The following CUL2 variants were observed in gnomAD, a reference collection of about 807,000 sequenced individuals.
CUL2 encodes cullin-2.
CUL2 carries 22 observed loss-of-function variants against 110.2 expected under a neutral mutation model. That is an observed-to-expected ratio of 0.20 (90% CI 0.14 to 0.28). CUL2 has a LOEUF of 0.28. Among genes scored for constraint, CUL2 ranks in the 10% least tolerant of loss-of-function variants. The pLI is 1.00. For missense variants in CUL2, 631 were observed against 905.5 expected, an observed-to-expected ratio of 0.70 and a Z score of 3.89; for synonymous variants, 279 against 293.2, an observed-to-expected ratio of 0.95 and a Z score of 0.49.
At chr10:35,046,504 G>C (rs2085944394) in intron 6 of CUL2, among the ~76,000 whole-genome samples, 1 of 152,162 alleles carries the variant, frequency 6.6e-6, no homozygotes, top group Non-Finnish European at 1.5e-5. Context: ...AAGTGAGGTA[G>C]GCCTCTCTAG....
At chr10:35,091,364 C>T (rs897160706), upstream of CUL2, among the ~76,000 whole-genome samples, 1 of 152,174 alleles carries the variant, frequency 6.6e-6, no homozygotes, top group African/African-American at 2.4e-5. Flanking sequence ...CTGATCAGTC[C>T]CTAGAGCCTT....
intron 4 of CUL2, among the ~76,000 whole-genome samples, chr10:35,058,089 C>T (rs187347302): frequency 5.3e-5 from 8 of 152,166 alleles, no homozygotes; most frequent in East Asian, 1.9e-4. Context: ...CAGCGAGACT[C>T]GGTCCCAAAA....
chr10:35,061,646 T>A (rs1394135543), intron 3 of CUL2, among the ~76,000 whole-genome samples: 1 of 152,168 alleles, frequency 6.6e-6, no homozygotes, highest in East Asian at 1.9e-4. Flanking sequence ...AAAGCACTTT[T>A]ATAAGCAGAT....
chr10:35,060,903 C>T lies in CUL2; in HGVS notation c.288G>A (p.Lys96=). ...ATAAGCAGTCCATATAGTCTGCACC[C>T]TTGCTGTATTCTTCCCAGTACCTAT... The part of the protein sequence containing the change: ...MYHRYWEEYS[K]GADYMDCLYR... Residue 96 remains lysine, a synonymous_variant, in exon 4 of 21, where the codon AAG becomes AAA. Coordinates refer to ENST00000374749, the MANE Select transcript of CUL2 (RefSeq NM_003591.4). 6.2e-7 allele frequency: 1 copy of T among 1,614,000 alleles called. No individual in the cohort carries two copies.
intron 1 of CUL2, among the ~76,000 whole-genome samples, chr10:35,082,280 C>G (rs558698131): frequency 5.9e-5 from 9 of 152,270 alleles, no homozygotes; most frequent in Admixed American, 1.3e-4. Flanking sequence ...TACGCTAAGT[C>G]AAATACACTA....
intron 10 of CUL2, among the ~76,000 whole-genome samples, chr10:35,033,628 A>G (rs1355187109): frequency 6.6e-6 from 1 of 151,826 alleles, no homozygotes; most frequent in African/African-American, 2.4e-5. Context: ...TCCCAGCTAC[A>G]CGGGAGGCTG....
chr10:35,044,532 T>C (rs747193853), intron 8 of CUL2, 34 bp downstream of exon 8: 2 of 1,361,844 alleles, frequency 1.5e-6, no homozygotes, highest in African/African-American at 1.5e-5. Flanking sequence ...AGATACAAAA[T>C]AGATAAATGT....
rs1260222303 is a variant in CUL2, at chr10:35,044,862, A to G, written c.513T>C (p.Arg171=). 5 of 1,610,604 alleles carry G rather than the reference A, an allele frequency of 3.1e-6. No individual in the cohort carries two copies. Among genetic ancestry groups the G allele is most frequent in the Non-Finnish European group, 4.2e-6 (5 of 1,177,318 alleles). ...RMLLREIKND[R]GGEDPNQKVI... is the part of the protein sequence containing the mutation. ...CTTTCTGGTTTGGGTCTTCTCCACC[A>G]CGATCACTAAAACAAGGTATAACAC... is the stretch of plus-strand genomic sequence containing the variant. Residue 171 remains arginine, a synonymous_variant, in exon 7 of 21, where the codon CGT becomes CGC. Coordinates refer to ENST00000374749, the MANE Select transcript of CUL2 (RefSeq NM_003591.4).
chr10:35,025,297 A>G (rs2085308898), intron 16 of CUL2, 99 bp from the exon 17 acceptor site: 1 of 1,389,054 alleles, frequency 7.2e-7, no homozygotes, highest in Admixed American at 3.4e-5. Flanking sequence ...CATTCATATT[A>G]GAAGAGACAT....
intron 20 of CUL2, among the ~76,000 whole-genome samples, chr10:35,011,445 C>T (rs1435277681): frequency 6.6e-6 from 1 of 151,958 alleles, no homozygotes; most frequent in Non-Finnish European, 1.5e-5. Flanking sequence ...TGGTGAAACC[C>T]TGTCTCTACG....
intron 1 of CUL2, among the ~76,000 whole-genome samples, chr10:35,078,648 G>A (rs1345997950): frequency 6.6e-6 from 1 of 151,738 alleles, no homozygotes; most frequent in Non-Finnish European, 1.5e-5. Context: ...TCACTTGCTG[G>A]AGCAAAAAAA....
chr10:35,105,380 G>A (rs1245149971), intron 1 of CUL2, among the ~76,000 whole-genome samples: 3 of 139,756 alleles, frequency 2.1e-5, no homozygotes, highest in Non-Finnish European at 4.7e-5. Context: ...GAGCCGAGAT[G>A]GCGCCACTGC....
rs140436110 is a variant in CUL2 at position 35,033,264 on chromosome 10, G to C, written c.1012C>G (p.Leu338Val). Residue 338 changes from leucine (L) to valine (V), a missense_variant, in exon 11 of 21, where the codon CTA becomes GTA. Transcript: ENST00000374749. ...SNLTQENMPT[L>V]FVESVLEVHG... is the part of the protein sequence containing the mutation. ...ACTTCCAAAACTGACTCCACAAATA[G>C]TGTTGGCATCTAAAAATGAAATATA... is the stretch of plus-strand genomic sequence containing the variant. 967 of 1,610,872 alleles carry C rather than the reference G, an allele frequency of 6.0e-4. 2 individuals carry two copies. Among genetic ancestry groups the C allele is most frequent in the Non-Finnish European group, 6.2e-4 (725 of 1,177,338 alleles).
chr10:35,012,719 G>A (rs2490657), intron 19 of CUL2, among the ~76,000 whole-genome samples: 152,348 of 152,350 alleles, frequency 1, 76,173 homozygotes, highest in Non-Finnish European at 1. Flanking sequence ...GTAAATGGCA[G>A]TTAATATTTG....
intron 2 of CUL2, among the ~76,000 whole-genome samples, chr10:35,069,984 T>C (rs2086638094): frequency 6.6e-6 from 1 of 152,346 alleles, no homozygotes; most frequent in African/African-American, 2.4e-5. Context: ...TCTATATTGG[T>C]TATCCTCTAG....
chr10:35,074,201 A>G (rs2086756977), intron 1 of CUL2: 1 of 1,535,370 alleles, frequency 6.5e-7, no homozygotes, highest in Admixed American at 2.0e-5. Context: ...CCTAAGCCAA[A>G]AAGTTGACCA....
chr10:35,077,036 C>G (rs1589041277), intron 1 of CUL2, among the ~76,000 whole-genome samples: 1 of 152,114 alleles, frequency 6.6e-6, no homozygotes, highest in Non-Finnish European at 1.5e-5. Context: ...AACATATTCA[C>G]ATAAAAACTG....
chr10:35,041,100 A>C (rs1053732734), intron 8 of CUL2, among the ~76,000 whole-genome samples: 4 of 152,240 alleles, frequency 2.6e-5, no homozygotes, highest in African/African-American at 7.2e-5. Context: ...ACCACATATT[A>C]CATCAGCTAA....
intron 17 of CUL2, among the ~76,000 whole-genome samples, chr10:35,023,197 T>G (rs1442573543): frequency 6.6e-6 from 1 of 152,206 alleles, no homozygotes; most frequent in African/African-American, 2.4e-5. Context: ...AGCATCACAC[T>G]GTACACTGTA....
Sources: allele counts gnomAD v4.1 joint callset (sites outside exome capture counted in the v4.1 genomes callset), GRCh38; gene constraint gnomAD v4.1.1; transcripts MANE v1.5; gene names NCBI Gene and HGNC (gene_info 2026-07-23, HGNC 2026-07-21).